The following SPNS3 variants were observed in gnomAD, a reference collection of about 807,000 sequenced individuals.
SPNS3 encodes the protein SPNS lysolipid transporter 3, sphingosine-1-phosphate (putative).
SPNS3 carries 51 observed loss-of-function variants against 54.4 expected under a neutral mutation model. The ratio of observed to expected loss-of-function variants is 0.94; its 90% CI spans 0.75 to 1.18. SPNS3 has a LOEUF of 1.18. SPNS3 is among the 50% of genes most tolerant of loss of function. The pLI is 0.00. For synonymous variants in SPNS3, 309 were observed against 294.7 expected (o/e 1.05, Z -0.50); for missense variants, 669 against 677.4 (o/e 0.99, Z 0.14).
At position 4,449,312 on chromosome 17, in the gene SPNS3, A is replaced by C; in HGVS notation, c.848A>C (p.Lys283Thr). ...GGAGCCCTGGGGTTCTGGGCCCCCA[A>C]GTTTCTGCTCGAGGCACGCGTGGTT... ...VTGALGFWAP[K>T]FLLEARVVHG... The change falls in exon 7 of 12, where the codon AAG (lysine) becomes ACG (threonine). Residue 283 changes from lysine to threonine, a missense_variant. Physicochemically the swap from Lys to Thr is moderately conservative, Grantham distance 78 (BLOSUM62 -1). Transcript: ENST00000355530. 6.2e-7 allele frequency: 1 copy of C among 1,612,378 alleles called. No individual in the cohort carries two copies.
At chr17:4,435,485 A>AT (rs1970692701) in intron 1 of SPNS3, among the ~76,000 whole-genome samples, 3 of 128,098 alleles carry the variant, frequency 2.3e-5, no homozygotes, top group African/African-American at 8.8e-5. Flanking sequence ...ATAAATAAAT[A>AT]TTTTTTAAAA....
Position 4,486,152 on chromosome 17 carries a change from G to A in SPNS3, c.1180-76G>A, listed in dbSNP as rs185104069. On this transcript the variant is annotated intron_variant, in intron 9 of 11. Coordinates refer to ENST00000355530, the MANE Select transcript of SPNS3 (RefSeq NM_182538.5). The surrounding 1 kb of genome is among the most constrained non-coding windows in gnomAD (Gnocchi z 5.5). ...AATGGCCTGTCACTCCTCCAGGCAG[G>A]TCCTTGGCAGGTGGGGAACAGCAGG... 1 of 1,346,722 alleles carries A rather than the reference G, an allele frequency of 7.4e-7. No homozygotes were observed. The allele number at this position is 1,346,722 out of a possible 1,614,324, so 83.4% of individuals were successfully genotyped here. A position where few individuals can be genotyped will look rare whatever the true frequency, so the allele number is the denominator to read the frequency against.
intron 2 of SPNS3, among the ~76,000 whole-genome samples, chr17:4,440,565 A>T (rs1328945985): frequency 6.6e-6 from 1 of 152,102 alleles, no homozygotes; most frequent in East Asian, 1.9e-4. Flanking sequence ...TTTTCCTAAA[A>T]TGACCTGCCT....
At position 4,441,391 on chromosome 17, in the gene SPNS3, C is replaced by T. The variant is rs575995743; in HGVS notation, c.265+1668C>T. ...GGAAAAAAAAAAGACAAAAGAGTTACGTGAGCAACAGTTAGAAGATCATGG... is the reference window on the plus strand; with the variant it reads ...GGAAAAAAAAAAGACAAAAGAGTTATGTGAGCAACAGTTAGAAGATCATGG... On this transcript the variant is annotated intron_variant, in intron 2 of 11. Coordinates refer to ENST00000355530, the MANE Select transcript of SPNS3 (RefSeq NM_182538.5). Among the ~76,000 whole-genome samples the T allele has an allele frequency of 9.9e-5, 15 of 152,206 alleles. No individual in the cohort carries two copies. The East Asian group carries it at 2.5e-3, about 25-fold the overall frequency.
intron 8 of SPNS3, among the ~76,000 whole-genome samples, chr17:4,469,107 C>T (rs1055474516): frequency 2.0e-5 from 3 of 147,530 alleles, no homozygotes; most frequent in Non-Finnish European, 4.5e-5. Flanking sequence ...TTTTCTAAGA[C>T]AGGTTCTTGC....
rs796114813 is a variant in SPNS3, at chr17:4,443,898, C to G, written c.266-1134C>G. On this transcript the variant is annotated intron_variant, in intron 2 of 11. Coordinates refer to ENST00000355530, the MANE Select transcript of SPNS3 (RefSeq NM_182538.5). Reference sequence around the variant, plus strand: ...GGCGGATCCCTTGAGCCCAGGAGTTCGAGACCAGCCTGCACAAGATGGTGA... The same window carrying G: ...GGCGGATCCCTTGAGCCCAGGAGTTGGAGACCAGCCTGCACAAGATGGTGA... 1.1e-4 allele frequency among the ~76,000 whole-genome samples: 16 copies of G among 152,280 alleles called. No individual in the cohort carries two copies. In the South Asian group the frequency reaches 3.1e-3, roughly 30 times the overall value.
chr17:4,470,413 G>C (rs1971824487), intron 8 of SPNS3, among the ~76,000 whole-genome samples: 1 of 152,110 alleles, frequency 6.6e-6, no homozygotes, highest in Non-Finnish European at 1.5e-5. Flanking sequence ...GGGCAACAGA[G>C]CAAGACCCTG....
intron 8 of SPNS3, among the ~76,000 whole-genome samples, chr17:4,459,986 G>A (rs1241285504): frequency 6.6e-6 from 1 of 152,162 alleles, no homozygotes; most frequent in Non-Finnish European, 1.5e-5. Context: ...AGACCTCTCT[G>A]AGAAGGTAGT....
intron 8 of SPNS3, among the ~76,000 whole-genome samples, chr17:4,470,402 T>G (rs1369055257): frequency 6.6e-6 from 1 of 152,216 alleles, no homozygotes; most frequent in East Asian, 1.9e-4. Flanking sequence ...CACTCCAGCC[T>G]GGGCAACAGA....
At chr17:4,478,059 C>G (rs1230688903) in intron 8 of SPNS3, among the ~76,000 whole-genome samples, 7 of 140,858 alleles carry the variant, frequency 5.0e-5, no homozygotes, top group Non-Finnish European at 1.1e-4. Context: ...GCAACCTCTG[C>G]CTCTTGGGTT....
intron 1 of SPNS3, among the ~76,000 whole-genome samples, chr17:4,436,070 A>G (rs758244245): frequency 1.7e-4 from 26 of 152,082 alleles, no homozygotes; most frequent in Non-Finnish European, 3.5e-4. Context: ...CAGGGAGGAA[A>G]TCGGACTTGG....
intron 8 of SPNS3, among the ~76,000 whole-genome samples, chr17:4,467,306 T>C (rs1181336382): frequency 6.6e-6 from 1 of 151,656 alleles, no homozygotes. Flanking sequence ...AATCTACTGC[T>C]GCAAAAAAAA....
Position 4,487,817 on chromosome 17 carries a change from A to G in SPNS3, c.1462A>G (p.Ser488Gly), listed in dbSNP as rs376941216. ...CTTTCCTCCTGCAGGGACCCCAGAC[A>G]GCAATGATGTGGACAGCAACGACCT... ...AWQPVTGTPD[S>G]NDVDSNDLER... The change falls in exon 12 of 12, where the codon AGC becomes GGC. Residue 488 changes from serine (S) to glycine (G), a missense_variant. Ser to Gly is a moderately conservative substitution (Grantham distance 56). Transcript: ENST00000355530. 1 of 1,614,090 alleles carries G rather than the reference A, an allele frequency of 6.2e-7. No homozygotes were observed. The highest frequency in any genetic ancestry group is 1.7e-5 in the Admixed American group (1 of 60,026).
At chr17:4,436,958 G>A (rs1375830744) in intron 1 of SPNS3, among the ~76,000 whole-genome samples, 2 of 152,210 alleles carry the variant, frequency 1.3e-5, no homozygotes, top group Non-Finnish European at 1.5e-5. Context: ...TATCTCTGCC[G>A]CTAGCCCTGG....
In SPNS3 at chr17:4,486,070, C is replaced by G; in HGVS notation, c.1180-158C>G. ...CAGATGGGCTTGATGTCTTGATGTT[C>G]TGGGGTGGGACTTTAGACCTTGGGG... On this transcript the variant is annotated intron_variant, in intron 9 of 11. Coordinates refer to ENST00000355530, the MANE Select transcript of SPNS3 (RefSeq NM_182538.5). The surrounding 1 kb of genome is among the most constrained non-coding windows in gnomAD (Gnocchi z 5.5). 1.7e-6 allele frequency: 1 copy of G among 573,236 alleles called. No individual in the cohort carries two copies. Among genetic ancestry groups the G allele is most frequent in the Non-Finnish European group, 2.9e-6 (1 of 344,852 alleles). 35.5% of individuals were successfully genotyped at this position (573,236 alleles called of 1,614,324 possible).
At chr17:4,481,815 T>C (rs1302008432) in intron 9 of SPNS3, among the ~76,000 whole-genome samples, 1 of 151,780 alleles carries the variant, frequency 6.6e-6, no homozygotes, top group Non-Finnish European at 1.5e-5. Context: ...GTCCTGCAGA[T>C]TCCTGAGTGG....
At chr17:4,452,306 C>T (rs2144061577) in intron 7 of SPNS3, among the ~76,000 whole-genome samples, 1 of 152,230 alleles carries the variant, frequency 6.6e-6, no homozygotes, top group Admixed American at 6.5e-5. Flanking sequence ...TGATCTGGAA[C>T]TCCTCCCACC....
At chr17:4,461,436 C>A (rs761838359) in intron 8 of SPNS3, among the ~76,000 whole-genome samples, 36 of 126,776 alleles carry the variant, frequency 2.8e-4, no homozygotes, top group African/African-American at 7.9e-4. Context: ...TGGCTTCAAG[C>A]AATCCTCCTG....
At chr17:4,463,546 G>C (rs1314557014) in intron 8 of SPNS3, among the ~76,000 whole-genome samples, 1 of 151,942 alleles carries the variant, frequency 6.6e-6, no homozygotes, top group Non-Finnish European at 1.5e-5. Context: ...TGGCCAACAT[G>C]CTCTCTCCCA....
Sources: gnomAD v4.1 joint callset for allele counts (sites outside exome capture counted in the v4.1 genomes callset) on GRCh38, gnomAD v4.1.1 for gene constraint, Gnocchi (gnomAD v3.1) non-coding constraint, MANE v1.5 for transcripts, NCBI Gene and HGNC (gene_info 2026-07-23, HGNC 2026-07-21) for gene names.